The following LMF1 variants were observed in gnomAD, a reference collection of about 807,000 sequenced individuals.
The protein encoded by LMF1 is lipase maturation factor 1, also known as transmembrane protein 112.
In LMF1, 68 loss-of-function variants were observed where a neutral mutation model predicts 60.6. The ratio of observed to expected loss-of-function variants is 1.12; its 90% CI spans 0.92 to 1.37. LMF1 has a LOEUF of 1.37. Among genes scored for constraint, LMF1 ranks in the 40% most tolerant of loss-of-function variants. LMF1 has a pLI of 0.00. For missense variants in LMF1, 948 were observed against 767.2 expected, an observed-to-expected ratio of 1.24 and a Z score of -2.78; for synonymous variants, 418 against 324.7, an observed-to-expected ratio of 1.29 and a Z score of -3.09.
intron 2 of LMF1, among the ~76,000 whole-genome samples, chr16:950,632 G>C (rs1368621311): frequency 2.8e-5 from 4 of 145,110 alleles, no homozygotes; most frequent in South Asian, 2.2e-4. Flanking sequence ...CAACGACAGA[G>C]TCAGCCAAGG....
intron 6 of LMF1, chr16:872,482 T>G (rs2069827720): frequency 6.6e-6 from 1 of 152,214 alleles, no homozygotes; most frequent in African/African-American, 2.4e-5. Flanking sequence ...TTTCTTATTC[T>G]CCACTGTCTA....
intron 1 of LMF1, among the ~76,000 whole-genome samples, chr16:967,418 T>C (rs2072947529): frequency 6.6e-6 from 1 of 152,218 alleles, no homozygotes; most frequent in African/African-American, 2.4e-5. Context: ...AGCCTGGGCA[T>C]GGTGCCCACT....
rs539721133 is a variant in LMF1 at position 897,130 on chromosome 16, G to A, written c.664-4058C>T. 2.0e-5 allele frequency among the ~76,000 whole-genome samples: 3 copies of A among 152,300 alleles called. No individual in the cohort carries two copies. Among genetic ancestry groups the A allele is most frequent in the Non-Finnish European group, 2.9e-5 (2 of 68,030 alleles). On this transcript the variant is annotated intron_variant, in intron 4 of 10. Transcript: ENST00000262301. This position sits in a 1 kb window ranked among gnomAD's most constrained non-coding sequence, Gnocchi z 4.3. ...TTCCAGGCCCATCGACGATGTTCCC[G>A]CCTTGCAACGTGTGGCTGCAGCAGC...
intron 4 of LMF1, chr16:903,633 T>C (rs1435991649): frequency 1.1e-5 from 1 of 88,210 alleles, no homozygotes; most frequent in Admixed American, 1.1e-4. Flanking sequence ...CTGTCTCTGC[T>C]GCGTGGTGGT....
chr16:967,198 G>A (rs1395092638), intron 1 of LMF1, among the ~76,000 whole-genome samples: 5 of 152,220 alleles, frequency 3.3e-5, no homozygotes, highest in African/African-American at 1.2e-4. Flanking sequence ...CCCTGGGAGG[G>A]GGATTTCAAA....
chr16:900,267 G>A (rs1230561855), intron 4 of LMF1: 1 of 152,176 alleles, frequency 6.6e-6, no homozygotes, highest in East Asian at 1.9e-4. Flanking sequence ...ACCCCAAAAT[G>A]GTTCACACTG....
rs563282866 is a variant in LMF1 at position 923,218 on chromosome 16, G to A, written c.514+11026C>T. 4.6e-5 allele frequency among the ~76,000 whole-genome samples: 7 copies of A among 152,294 alleles called. 1 individual carries two copies. Among genetic ancestry groups the A allele is most frequent in the South Asian group, 2.1e-4 (1 of 4,826 alleles). ...CAGGAATGTGATGCCTGGGATCTGC[G>A]TCATGGCAAAACAGCAGGGGCAAGG... On this transcript the variant is annotated intron_variant, in intron 3 of 10. Transcript: ENST00000262301.
chr16:930,642 C>A (rs762400154), intron 3 of LMF1, among the ~76,000 whole-genome samples: 1 of 152,244 alleles, frequency 6.6e-6, no homozygotes, highest in Non-Finnish European at 1.5e-5. Flanking sequence ...GCGGACTTCC[C>A]GGCCAGCGGC....
chr16:869,000 G>C lies in LMF1; in HGVS notation c.1473C>G (p.Asp491Glu). 1 of 1,612,544 alleles carries C rather than the reference G, an allele frequency of 6.2e-7. No homozygotes were observed. The highest frequency in any genetic ancestry group is 8.5e-7 in the Non-Finnish European group (1 of 1,179,744). The stretch of plus-strand genomic sequence containing the variant: ...GTGCCAGCAGGGACAAGGCCTCGGC[G>C]TCGCTGGCCAGGAGCTTGCCAGCCA... Reference protein sequence around the residue: ...IHLAGKLLASDAEALSLLAHN... With the variant: ...IHLAGKLLASEAEALSLLAHN... Residue 491 changes from aspartate to glutamate, a missense_variant, in exon 10 of 11, where the codon GAC (aspartate) becomes GAG (glutamate). Physicochemically the swap from Asp to Glu is conservative, Grantham distance 45. Coordinates refer to ENST00000262301, the MANE Select transcript of LMF1 (RefSeq NM_022773.4).
At chr16:876,776 CTG>C (rs562727631) in intron 6 of LMF1, among the ~76,000 whole-genome samples, 1 of 152,050 alleles carries the variant, frequency 6.6e-6, no homozygotes, top group South Asian at 2.1e-4. Flanking sequence ...GCTGCCCAAA[CTG>C]AGACCTTCAG....
At chr16:876,736 A>G (rs1244881959) in intron 6 of LMF1, among the ~76,000 whole-genome samples, 1 of 151,908 alleles carries the variant, frequency 6.6e-6, no homozygotes, top group African/African-American at 2.4e-5. Flanking sequence ...GGGCGGGCTG[A>G]GGACCTCGGG....
chr16:965,208 A>T (rs1443093428), intron 1 of LMF1, among the ~76,000 whole-genome samples: 1 of 152,258 alleles, frequency 6.6e-6, no homozygotes, highest in Non-Finnish European at 1.5e-5. Context: ...GCCTCGCGGA[A>T]GCCATGTTCT....
chr16:936,680 A>G (rs868015112), intron 2 of LMF1, among the ~76,000 whole-genome samples: 35 of 152,358 alleles, frequency 2.3e-4, no homozygotes, highest in Non-Finnish European at 2.2e-4. Flanking sequence ...AAATCTTCCA[A>G]GCAACCGCTG....
intron 3 of LMF1, among the ~76,000 whole-genome samples, chr16:924,866 C>A (rs754540134): frequency 2.4e-4 from 37 of 152,190 alleles, no homozygotes; most frequent in Non-Finnish European, 2.9e-4. Flanking sequence ...TGATCTATGG[C>A]GGTTTAGGCA....
At chr16:861,827 G>A (rs929329533) in intron 10 of LMF1, among the ~76,000 whole-genome samples, 1 of 152,194 alleles carries the variant, frequency 6.6e-6, no homozygotes, top group Non-Finnish European at 1.5e-5. Context: ...TGCCGGATCC[G>A]ATGGTTAGAG....
intron 1 of LMF1, chr16:980,242 G>C (rs2073308970): frequency 5.9e-6 from 1 of 168,176 alleles, no homozygotes; most frequent in African/African-American, 2.4e-5. Context: ...CCTGGCTCCG[G>C]TTGTTCCCAA....
chr16:969,805 G>A (rs1377577395), intron 1 of LMF1, among the ~76,000 whole-genome samples: 3 of 152,196 alleles, frequency 2.0e-5, no homozygotes, highest in Non-Finnish European at 2.9e-5. Flanking sequence ...CTCCTGACAC[G>A]TTGGGCTTAT....
intron 5 of LMF1, chr16:884,925 T>C (rs2070264065): frequency 6.6e-6 from 1 of 151,370 alleles, no homozygotes; most frequent in Non-Finnish European, 1.5e-5. Flanking sequence ...TGAAGAGCTC[T>C]GGAAATGGTG....
Position 976,620 on chromosome 16 carries a change from G to C in LMF1, c.-135+4525C>G, listed in dbSNP as rs773798691. 4.1e-4 allele frequency: 186 copies of C among 453,998 alleles called. No homozygotes were observed. In the Middle Eastern group the frequency reaches 5.5e-3, roughly 13 times the overall value. 28.1% of individuals were successfully genotyped at this position (453,998 alleles called of 1,614,324 possible). ...CCCATTATCAGACGAGAAGTGCAGA[G>C]AGCAAATGCGTGCTGTTGGCGCCCC... On this transcript the variant is annotated intron_variant, in intron 1 of 6. Coordinates refer to the LMF1 transcript ENST00000570014.
Sources: gnomAD v4.1 joint callset for allele counts (sites outside exome capture counted in the v4.1 genomes callset) on GRCh38, gnomAD v4.1.1 for gene constraint, Gnocchi (gnomAD v3.1) non-coding constraint, MANE v1.5 for transcripts, NCBI Gene and HGNC (gene_info 2026-07-23, HGNC 2026-07-21) for gene names.